TTC7A: variants seen among roughly 807,000 people sequenced by gnomAD.
The protein encoded by TTC7A is tetratricopeptide repeat protein 7A.
In TTC7A, 110 loss-of-function variants were observed where a neutral mutation model predicts 103.7. The ratio of observed to expected loss-of-function variants is 1.06; its 90% CI spans 0.91 to 1.24. The LOEUF (loss-of-function observed/expected upper bound fraction) is 1.24. Ranked by LOEUF, TTC7A falls within the 50% of genes most tolerant of loss-of-function variation. The pLI is 0.00. For synonymous variants in TTC7A, 521 were observed against 467.9 expected (o/e 1.11, Z -1.47); for missense variants, 1,340 against 1,116.3 (o/e 1.20, Z -2.86).
At chr2:47,027,917 T>C (rs1680091020) in intron 14 of TTC7A, among the ~76,000 whole-genome samples, 1 of 152,194 alleles carries the variant, frequency 6.6e-6, no homozygotes, top group Admixed American at 6.5e-5. Context: ...CGGAATTCTT[T>C]TTTCTCCTTA....
At chr2:47,040,929 C>G (rs1431852236) in intron 15 of TTC7A, among the ~76,000 whole-genome samples, 1 of 152,216 alleles carries the variant, frequency 6.6e-6, no homozygotes, top group African/African-American at 2.4e-5. Context: ...GAGGACAGTA[C>G]TGTGACCATT....
chr2:46,919,646 G>A (rs1473124699), intron 2 of TTC7A, among the ~76,000 whole-genome samples: 1 of 152,202 alleles, frequency 6.6e-6, no homozygotes, highest in Admixed American at 6.5e-5. Flanking sequence ...CTCAAGCCTG[G>A]TTAACAACAG....
At chr2:47,011,464 A>G in intron 11 of TTC7A, 29 bp downstream of exon 11, 1 of 1,570,912 alleles carries the variant, frequency 6.4e-7, no homozygotes, top group Non-Finnish European at 8.7e-7. Flanking sequence ...CAGGTCCCAG[A>G]GGCCTCCTGT....
intron 8 of TTC7A, 110 bp downstream of exon 8, chr2:46,995,309 G>C: frequency 9.5e-7 from 1 of 1,057,636 alleles, no homozygotes; most frequent in Non-Finnish European, 1.4e-6. Context: ...TGTCTCCCAG[G>C]GATACTCCTA....
chr2:46,968,545 C>A (rs1190797939), intron 3 of TTC7A, among the ~76,000 whole-genome samples: 3 of 152,148 alleles, frequency 2.0e-5, no homozygotes, highest in Non-Finnish European at 4.4e-5. Flanking sequence ...GGTTCCCGGC[C>A]CCTTTTTATG....
intron 8 of TTC7A, among the ~76,000 whole-genome samples, chr2:46,996,336 T>C (rs1377132349): frequency 6.6e-6 from 1 of 152,064 alleles, no homozygotes; most frequent in Non-Finnish European, 1.5e-5. Flanking sequence ...GGTTGAGAAA[T>C]AGGTTTTTAA....
intron 1 of TTC7A, among the ~76,000 whole-genome samples, chr2:46,945,738 T>A (rs1670881289): frequency 6.6e-6 from 1 of 152,024 alleles, no homozygotes; most frequent in South Asian, 2.1e-4. Context: ...GCCCCACTTT[T>A]TTTTTCTTCT....
chr2:47,023,349 G>C (rs1679500165), intron 12 of TTC7A, 59 bp from the exon 13 acceptor site: 2 of 1,570,360 alleles, frequency 1.3e-6, no homozygotes, highest in Non-Finnish European at 1.8e-6. Flanking sequence ...ATGGTGCAGG[G>C]CTGGGCCGGC....
chr2:47,052,657 AAGAG>A (rs1248450039), intron 18 of TTC7A, among the ~76,000 whole-genome samples: 1 of 152,162 alleles, frequency 6.6e-6, no homozygotes, highest in Non-Finnish European at 1.5e-5. Context: ...TCAGAGTGGA[AAGAG>A]AGAGAGCCAA....
intron 19 of TTC7A, among the ~76,000 whole-genome samples, chr2:47,071,795 A>G (rs1025895783): frequency 6.6e-6 from 1 of 152,000 alleles, no homozygotes; most frequent in Non-Finnish European, 1.5e-5. Context: ...ACACCCACAT[A>G]CTTCTTGATA....
chr2:46,987,807 C>CGAGTGTGTGTGTGT (rs1234466462), intron 5 of TTC7A, among the ~76,000 whole-genome samples: 9 of 110,040 alleles, frequency 8.2e-5, no homozygotes, highest in African/African-American at 3.1e-4. Flanking sequence ...TCCCTTTCCG[C>CGAGTGTGTGTGTGT]GCGTGTGTGT....
In TTC7A at chr2:47,007,316, C is replaced by T. The variant is rs954001971; in HGVS notation, c.1287+592C>T. On this transcript the variant is annotated intron_variant, in intron 10 of 19. Transcript: ENST00000319190. The surrounding 1 kb of genome is among the most constrained non-coding windows in gnomAD (Gnocchi z 4.9). ...AGTTCACTCTCTATCCACCCAGCTC[C>T]GGTGCCATCACCCCTGCTTTTTGCT... is the stretch of plus-strand genomic sequence containing the variant. Among the ~76,000 whole-genome samples, 7 of 152,096 alleles carry T rather than the reference C, an allele frequency of 4.6e-5. No individual in the cohort carries two copies. The highest frequency in any genetic ancestry group is 1.3e-4 in the Admixed American group (2 of 15,278).
intron 5 of TTC7A, among the ~76,000 whole-genome samples, chr2:46,993,046 G>T (rs74499298): frequency 0.098 from 14,867 of 152,268 alleles, 839 homozygotes; most frequent in Admixed American, 0.14. Context: ...GGACAGAGAG[G>T]GGAGGATGGA....
At position 47,018,093 on chromosome 2, in the gene TTC7A, A is replaced by G. The variant is rs373949280; in HGVS notation, c.1393-3769A>G. On this transcript the variant is annotated intron_variant, in intron 11 of 19. Transcript: ENST00000319190. ...GGAGTTTGAGACCAGCCTGGCCAAC[A>G]TGGTGAAACCCCATCTCTACAAACA... Among the ~76,000 whole-genome samples, 4 of 151,974 alleles carry G rather than the reference A, an allele frequency of 2.6e-5. No homozygotes were observed. In the East Asian group the frequency reaches 5.8e-4, roughly 22 times the overall value.
At chr2:46,990,903 C>T (rs1489905200) in intron 5 of TTC7A, among the ~76,000 whole-genome samples, 1 of 152,100 alleles carries the variant, frequency 6.6e-6, no homozygotes, top group Admixed American at 6.6e-5. Context: ...TGGGCCCCAC[C>T]CCAGGGGTTG....
chr2:46,992,798 C>T (rs1675764766), intron 5 of TTC7A, among the ~76,000 whole-genome samples: 1 of 152,264 alleles, frequency 6.6e-6, no homozygotes, highest in South Asian at 2.1e-4. Flanking sequence ...AATGGAAAAC[C>T]TCAGTGTTGA....
chr2:46,979,892 A>G (rs967270018), intron 5 of TTC7A, among the ~76,000 whole-genome samples: 3 of 152,238 alleles, frequency 2.0e-5, no homozygotes, highest in Admixed American at 6.5e-5. Flanking sequence ...AGAGGAGCAG[A>G]CCCATAGGTG....
intron 1 of TTC7A, among the ~76,000 whole-genome samples, chr2:46,946,442 G>A (rs141098272): frequency 3.2e-4 from 48 of 152,038 alleles, no homozygotes; most frequent in African/African-American, 1.1e-3. Flanking sequence ...TTATTTTCTA[G>A]AGATGAGGTA....
At position 47,029,305 on chromosome 2, in the gene TTC7A, C is replaced by G. The variant is rs1366741235; in HGVS notation, c.1723C>G (p.Leu575Val). ...DAHALHLLAL[L>V]FSAQKHHQHA... ...CCACGCCCTCCACCTGCTGGCACTG[C>G]TCTTCTCTGCCCAGAAGCACCACCA... The change falls in exon 15 of 20, where the codon CTC becomes GTC. Residue 575 changes from leucine to valine, a missense_variant. By Grantham distance (32) the Leu-to-Val change is conservative (BLOSUM62 1). Coordinates refer to ENST00000319190, the MANE Select transcript of TTC7A (RefSeq NM_020458.4). 4 of 1,613,978 alleles carry G rather than the reference C, an allele frequency of 2.5e-6. No homozygotes were observed. The highest frequency in any genetic ancestry group is 2.5e-6 in the Non-Finnish European group (3 of 1,180,034).
Sources: allele counts gnomAD v4.1 joint callset (sites outside exome capture counted in the v4.1 genomes callset), GRCh38; gene constraint gnomAD v4.1.1; non-coding constraint Gnocchi (gnomAD v3.1); transcripts MANE v1.5; gene names NCBI Gene and HGNC (gene_info 2026-07-23, HGNC 2026-07-21).